NCOA3: variants seen among roughly 807,000 people sequenced by gnomAD.
NCOA3 encodes the protein nuclear receptor coactivator 3.
In NCOA3, 51 loss-of-function variants were observed where a neutral mutation model predicts 158.8. The observed-to-expected ratio is 0.32, with a 90% CI of 0.26 to 0.41. NCOA3 has a LOEUF of 0.41. NCOA3 is among the 10% of genes least tolerant of loss of function. The probability of loss-of-function intolerance (pLI) is 1.00; values close to 1 mark genes in which losing one functional copy is unlikely to be tolerated. For synonymous variants in NCOA3, 537 were observed against 592.4 expected, an observed-to-expected ratio of 0.91 and a Z score of 1.36; for missense variants, 1,510 against 1,746.6, an observed-to-expected ratio of 0.86 and a Z score of 2.41.
At chr20:47,548,400 T>C (rs1203367577) in intron 1 of NCOA3, among the ~76,000 whole-genome samples, 2 of 151,614 alleles carry the variant, frequency 1.3e-5, no homozygotes, top group Non-Finnish European at 2.9e-5. Context: ...AAAAATTAGC[T>C]GGGCATGGTG....
chr20:47,552,177 A>G (rs577963249), intron 1 of NCOA3, among the ~76,000 whole-genome samples: 3 of 152,362 alleles, frequency 2.0e-5, no homozygotes, highest in East Asian at 1.9e-4. Flanking sequence ...TTACTGAAGC[A>G]TATCTAGCAA....
chr20:47,584,901 C>T (rs2085511220), intron 2 of NCOA3, among the ~76,000 whole-genome samples: 1 of 151,938 alleles, frequency 6.6e-6, no homozygotes, highest in African/African-American at 2.4e-5. Context: ...GAAGAAATTC[C>T]CCCTCCTTAT....
chr20:47,516,102 A>G (rs916594817), intron 1 of NCOA3, among the ~76,000 whole-genome samples: 1 of 152,222 alleles, frequency 6.6e-6, no homozygotes. Context: ...GATAGATACT[A>G]TAATGGTAGA....
intron 2 of NCOA3, among the ~76,000 whole-genome samples, chr20:47,615,595 TTTAA>T (rs1307758010): frequency 3.9e-5 from 6 of 152,262 alleles, no homozygotes; most frequent in African/African-American, 1.4e-4. Context: ...GCTTTTCAGC[TTTAA>T]TTAGTTAGTT....
At chr20:47,651,336 C>T (rs1192788204) in intron 20 of NCOA3, 60 bp downstream of exon 20, 1 of 1,536,118 alleles carries the variant, frequency 6.5e-7, no homozygotes, top group East Asian at 2.3e-5. Flanking sequence ...ACATAAGCTT[C>T]ATTACATTTA....
At chr20:47,544,681 T>G (rs2146138548) in intron 1 of NCOA3, among the ~76,000 whole-genome samples, 1 of 152,330 alleles carries the variant, frequency 6.6e-6, no homozygotes, top group Non-Finnish European at 1.5e-5. Context: ...ATCTTTTTCT[T>G]TCAGTTGATA....
Position 47,636,566 on chromosome 20 carries a change from T to A in NCOA3, c.2180T>A (p.Leu727Gln), listed in dbSNP as rs757505596. 5 of 1,614,140 alleles carry A rather than the reference T, an allele frequency of 3.1e-6. No individual in the cohort carries two copies. The highest frequency in any genetic ancestry group is 4.2e-6 in the Non-Finnish European group (5 of 1,180,020). The change falls in exon 12 of 23, where the codon CTA becomes CAA. Residue 727 changes from leucine (L) to glutamine (Q), a missense_variant. Leu to Gln is a moderately radical substitution (Grantham distance 113). Coordinates refer to ENST00000371998, the MANE Select transcript of NCOA3 (RefSeq NM_181659.3). ...GGAAATGTTGTCAAGCAGGAGCAGC[T>A]AAGTCCTAAGAAGAAGGAGAATAAT... ...GDGNVVKQEQLSPKKKENNAL... is the reference protein window; with the variant it reads ...GDGNVVKQEQQSPKKKENNAL...
intron 1 of NCOA3, among the ~76,000 whole-genome samples, chr20:47,542,017 T>TTTTTTTTTTTTTTTG (rs2084749152): frequency 1.1e-5 from 1 of 94,934 alleles, no homozygotes; most frequent in Non-Finnish European, 2.4e-5. Flanking sequence ...GAGTTTTTTT[T>TTTTTTTTTTTTTTTG]TTTTTTTTTT....
rs199537888 is a variant in NCOA3, at chr20:47,627,991, C to G, written c.791C>G (p.Pro264Arg). 1.2e-6 allele frequency: 2 copies of G among 1,613,932 alleles called. No homozygotes were observed. Among genetic ancestry groups the G allele is most frequent in the Non-Finnish European group, 1.7e-6 (2 of 1,179,890 alleles). ...TTGERTFPSN[P>R]ESFITRHDLS... is the part of the protein sequence containing the mutation. ...GGAGAAAGAACATTTCCATCAAACC[C>G]TGAGAGCTTTATTACCAGACATGAT... is the stretch of plus-strand genomic sequence containing the variant. Residue 264 changes from proline to arginine, a missense_variant, in exon 8 of 23, where the codon CCT becomes CGT. By Grantham distance (103) the Pro-to-Arg change is moderately radical (BLOSUM62 -2). This residue lies in a region of NCOA3 where 309 missense variants were observed against 427.1 expected (regional missense o/e 0.72). Coordinates refer to ENST00000371998, the MANE Select transcript of NCOA3 (RefSeq NM_181659.3).
At chr20:47,601,877 CA>C (rs1310556973) in intron 2 of NCOA3, among the ~76,000 whole-genome samples, 3 of 152,290 alleles carry the variant, frequency 2.0e-5, no homozygotes, top group African/African-American at 7.2e-5. Context: ...GAGTACATGA[CA>C]GCTGACATTT....
At chr20:47,603,692 C>G (rs978198164) in intron 2 of NCOA3, among the ~76,000 whole-genome samples, 1 of 152,152 alleles carries the variant, frequency 6.6e-6, no homozygotes, top group Non-Finnish European at 1.5e-5. Flanking sequence ...AAATGATCTT[C>G]CCCTGGAATT....
intron 1 of NCOA3, among the ~76,000 whole-genome samples, chr20:47,552,639 T>G (rs967244941): frequency 6.6e-6 from 1 of 152,242 alleles, no homozygotes; most frequent in African/African-American, 2.4e-5. Context: ...GTCCTTACTT[T>G]GTAGGTTTTA....
In NCOA3 at chr20:47,649,114, GGAT is replaced by G. The variant is rs2086739558; in HGVS notation, c.3651+9_3651+11del. On this transcript the variant is annotated splice_donor_region_variant and intron_variant, in intron 19 of 22. Transcript: ENST00000371998. ...CAGCCCCAGGTGAGCTCCCAGGTGA[GGAT>G]GATAAGCCTCTCCACATGCATTGCT... 6.2e-7 allele frequency: 1 copy of G among 1,603,194 alleles called. No individual in the cohort carries two copies. The highest frequency in any genetic ancestry group is 1.7e-4 in the Middle Eastern group (1 of 5,952).
chr20:47,633,751 C>A, intron 9 of NCOA3, 115 bp downstream of exon 9: 1 of 1,210,856 alleles, frequency 8.3e-7, no homozygotes, highest in Non-Finnish European at 1.2e-6. Context: ...TCTGCCTCAG[C>A]TTCTGAGTAG....
intron 1 of NCOA3, among the ~76,000 whole-genome samples, chr20:47,511,550 T>TATATATATATATATATATATACATACAC: frequency 5.7e-5 from 3 of 52,268 alleles, no homozygotes; most frequent in Non-Finnish European, 1.2e-4. Context: ...TATATATATA[T>TATATATATATATATATATATACATACAC]ATATATTTCT....
intron 1 of NCOA3, among the ~76,000 whole-genome samples, chr20:47,565,505 A>G (rs1450301195): frequency 6.6e-6 from 1 of 152,176 alleles, no homozygotes; most frequent in Non-Finnish European, 1.5e-5. Context: ...GCGTGAGCCC[A>G]GGAAGTTGGA....
At chr20:47,562,182 T>C (rs988904828) in intron 1 of NCOA3, among the ~76,000 whole-genome samples, 3 of 152,242 alleles carry the variant, frequency 2.0e-5, no homozygotes, top group Non-Finnish European at 4.4e-5. Context: ...GCTTCCATGC[T>C]TTAGCAATTA....
intron 21 of NCOA3, 141 bp downstream of exon 21, chr20:47,652,721 A>G (rs1602551711): frequency 2.0e-6 from 2 of 977,532 alleles, no homozygotes; most frequent in Non-Finnish European, 3.0e-6. Flanking sequence ...TGGCTTGTCC[A>G]TTTTGAGAGT....
Position 47,652,550 on chromosome 20 carries a change from G to C in NCOA3, c.4091G>C (p.Gly1364Ala). The C allele has an allele frequency of 6.2e-7, 1 of 1,610,340 alleles. No homozygotes were observed. The highest frequency in any genetic ancestry group is 1.7e-4 in the Middle Eastern group (1 of 6,050). ...ATCTATCAGTCCTCAGAAATGAAGG[G>C]CTGGCCATCAGGAAATTTGGCCAGG... ...ASIYQSSEMK[G>A]WPSGNLARNS... Residue 1364 changes from glycine to alanine, a missense_variant, in exon 21 of 23, where the codon GGC (glycine) becomes GCC (alanine). Physicochemically the swap from Gly to Ala is moderately conservative, Grantham distance 60. Around this residue, in one of 4 missense-constraint regions of NCOA3, gnomAD observed 180 missense variants for 199.3 expected, o/e 0.90. Coordinates refer to ENST00000371998, the MANE Select transcript of NCOA3 (RefSeq NM_181659.3).
Sources: gnomAD v4.1 joint callset for allele counts (sites outside exome capture counted in the v4.1 genomes callset) on GRCh38, gnomAD v4.1.1 for gene constraint, gnomAD v4.1.1 regional missense constraint, MANE v1.5 for transcripts, NCBI Gene and HGNC (gene_info 2026-07-23, HGNC 2026-07-21) for gene names.